RGS7: variants seen among roughly 807,000 people sequenced by gnomAD.
The protein encoded by RGS7 is regulator of G protein signaling 7, also known as regulator of G-protein signaling 7.
Under a neutral mutation model 81.1 loss-of-function variants are expected in RGS7, and 27 were observed. The ratio of observed to expected loss-of-function variants is 0.33; its 90% CI spans 0.25 to 0.46. The LOEUF is 0.46. Among genes scored for constraint, RGS7 ranks in the 20% least tolerant of loss-of-function variants. RGS7 has a pLI of 1.00. For synonymous variants in RGS7, 208 were observed against 207.7 expected (o/e 1.00, Z -0.01); for missense variants, 396 against 607.4 (o/e 0.65, Z 3.66).
At chr1:241,100,335 A>C (rs1241057702) in intron 2 of RGS7, among the ~76,000 whole-genome samples, 2 of 145,654 alleles carry the variant, frequency 1.4e-5, no homozygotes, top group Admixed American at 1.4e-4. Context: ...AGATGGCGCC[A>C]CTGCACTCCA....
intron 2 of RGS7, among the ~76,000 whole-genome samples, chr1:241,178,496 A>C (rs1342050083): frequency 6.6e-5 from 10 of 152,170 alleles, no homozygotes; most frequent in African/African-American, 2.4e-5. Context: ...GAGTTCATTC[A>C]GCACCTGTAG....
chr1:241,109,499 G>T (rs1415061816), intron 2 of RGS7, among the ~76,000 whole-genome samples: 2 of 151,818 alleles, frequency 1.3e-5, no homozygotes, highest in African/African-American at 2.4e-5. Context: ...ATTCTCTTTA[G>T]ATTATAAAAG....
chr1:241,051,369 C>T (rs941317345), intron 3 of RGS7, among the ~76,000 whole-genome samples: 5 of 152,096 alleles, frequency 3.3e-5, no homozygotes, highest in Non-Finnish European at 7.4e-5. Flanking sequence ...TATAAAAACT[C>T]GTTTAGATGC....
rs148616019 is a variant in RGS7, at chr1:241,242,135, C to T, written c.78+113564G>A. Among the ~76,000 whole-genome samples, 417 of 152,062 alleles carry T rather than the reference C, an allele frequency of 2.7e-3. 5 individuals are homozygous for T. The highest frequency in any genetic ancestry group is 9.2e-3 in the African/African-American group (381 of 41,462). On this transcript the variant is annotated intron_variant, in intron 2 of 18. Coordinates refer to ENST00000440928, the MANE Select transcript of RGS7 (RefSeq NM_001364886.1). Reference sequence around the variant, plus strand: ...CTTTCCCCTGAGTCCCCAAAGTCCACTGTATCATTCTTAGGCCTTTGCGTC... The same window carrying T: ...CTTTCCCCTGAGTCCCCAAAGTCCATTGTATCATTCTTAGGCCTTTGCGTC...
At chr1:240,997,148 C>T (rs1431246116) in intron 3 of RGS7, among the ~76,000 whole-genome samples, 2 of 151,654 alleles carry the variant, frequency 1.3e-5, no homozygotes, top group Non-Finnish European at 2.9e-5. Context: ...ATTATTATTG[C>T]TGTTATTATT....
chr1:240,893,202 A>G (rs966026074), intron 6 of RGS7, among the ~76,000 whole-genome samples: 4 of 152,184 alleles, frequency 2.6e-5, no homozygotes, highest in Non-Finnish European at 4.4e-5. Context: ...TAAACTGGCA[A>G]TACGGTTGTT....
chr1:241,343,803 T>G (rs1403656444), intron 2 of RGS7, among the ~76,000 whole-genome samples: 13 of 152,172 alleles, frequency 8.5e-5, no homozygotes, highest in African/African-American at 2.9e-4. Context: ...TGAAGTGTAC[T>G]TACTGTCATT....
chr1:241,170,377 T>A (rs1405339039), intron 2 of RGS7, among the ~76,000 whole-genome samples: 1 of 152,178 alleles, frequency 6.6e-6, no homozygotes, highest in Non-Finnish European at 1.5e-5. Flanking sequence ...AAAATCTGCA[T>A]GAATCAACCT....
chr1:240,954,928 G>A (rs959266504), intron 4 of RGS7, among the ~76,000 whole-genome samples: 2 of 152,140 alleles, frequency 1.3e-5, no homozygotes, highest in Non-Finnish European at 2.9e-5. Context: ...ATAAATAAAA[G>A]TTAATTGCTC....
At chr1:241,088,965 G>T (rs2492994) in intron 3 of RGS7, among the ~76,000 whole-genome samples, 32,927 of 142,768 alleles carry the variant, frequency 0.23, 5,357 homozygotes, top group African/African-American at 0.45. Flanking sequence ...GAGTTGAGAT[G>T]GCGCGAGTTG....
At chr1:241,039,214 C>T (rs2060482407) in intron 3 of RGS7, among the ~76,000 whole-genome samples, 1 of 152,194 alleles carries the variant, frequency 6.6e-6, no homozygotes, top group Non-Finnish European at 1.5e-5. Flanking sequence ...CTGTCTGCCT[C>T]CCATTCTTCA....
chr1:241,136,309 T>C (rs2103064048), intron 2 of RGS7, among the ~76,000 whole-genome samples: 1 of 152,376 alleles, frequency 6.6e-6, no homozygotes, highest in Admixed American at 6.5e-5. Flanking sequence ...CCAGAGATTC[T>C]GACTGAGTCT....
chr1:240,848,532 T>C (rs1659509253), intron 9 of RGS7, among the ~76,000 whole-genome samples: 1 of 152,026 alleles, frequency 6.6e-6, no homozygotes, highest in African/African-American at 2.4e-5. Flanking sequence ...TTGAAAATGA[T>C]AGCTGTGTAA....
intron 2 of RGS7, among the ~76,000 whole-genome samples, chr1:241,213,597 A>T (rs574371335): frequency 9.3e-4 from 142 of 152,168 alleles, no homozygotes; most frequent in African/African-American, 3.2e-3. Flanking sequence ...TTGAATTAAC[A>T]TTAGACCACT....
intron 2 of RGS7, among the ~76,000 whole-genome samples, chr1:241,139,903 T>C (rs1366843278): frequency 1.3e-5 from 2 of 152,258 alleles, no homozygotes; most frequent in Admixed American, 6.5e-5. Flanking sequence ...AGTATTGTCT[T>C]GGTGTTTATA....
At chr1:241,229,961 C>T (rs528346727) in intron 2 of RGS7, among the ~76,000 whole-genome samples, 3 of 152,126 alleles carry the variant, frequency 2.0e-5, no homozygotes, top group Admixed American at 6.5e-5. Flanking sequence ...CAGATAACCT[C>T]GGAAGTTCAG....
chr1:241,178,565 T>C (rs1244338865), intron 2 of RGS7, among the ~76,000 whole-genome samples: 1 of 151,970 alleles, frequency 6.6e-6, no homozygotes, highest in East Asian at 1.9e-4. Flanking sequence ...ACCAAAAGGG[T>C]ACAAGAACAC....
intron 3 of RGS7, among the ~76,000 whole-genome samples, chr1:241,046,903 G>A (rs540012057): frequency 6.6e-6 from 1 of 152,032 alleles, no homozygotes; most frequent in African/African-American, 2.4e-5. Flanking sequence ...TAAATGTTAC[G>A]TTCTACTGCC....
intron 6 of RGS7, among the ~76,000 whole-genome samples, chr1:240,907,184 C>A (rs915778295): frequency 1.4e-4 from 22 of 152,058 alleles, no homozygotes; most frequent in Non-Finnish European, 5.9e-5. Context: ...ACCTTGACAT[C>A]CTGGGGCAAT....
Sources: allele counts gnomAD v4.1 joint callset (sites outside exome capture counted in the v4.1 genomes callset), GRCh38; gene constraint gnomAD v4.1.1; transcripts MANE v1.5; gene names NCBI Gene and HGNC (gene_info 2026-07-23, HGNC 2026-07-21).